NUP50: variants seen among roughly 807,000 people sequenced by gnomAD.
The protein encoded by NUP50 is nucleoporin 50, also known as nuclear pore complex protein Nup50.
In NUP50, 14 loss-of-function variants were observed where a neutral mutation model predicts 36.8. That is an observed-to-expected ratio of 0.38 (90% CI 0.25 to 0.59). NUP50 has a LOEUF of 0.59. Among genes scored for constraint, NUP50 ranks in the 20% least tolerant of loss-of-function variants. The pLI is 0.63. For synonymous variants in NUP50, 195 were observed against 210.8 expected, an observed-to-expected ratio of 0.93 and a Z score of 0.65; for missense variants, 455 against 564.6, an observed-to-expected ratio of 0.81 and a Z score of 1.97.
chr22:45,171,702 C>T lies in NUP50; in HGVS notation c.153+19C>T. 6.3e-7 allele frequency: 1 copy of T among 1,599,598 alleles called. No homozygotes were observed. The highest frequency in any genetic ancestry group is 1.1e-5 in the South Asian group (1 of 90,788). ...ATTTGAAGTGAGTGCCCCCTTACAG[C>T]TCTTGCTATTAAATACTCATTTGAT... On this transcript the variant is annotated intron_variant, in intron 3 of 7. Transcript: ENST00000347635.
chr22:45,168,782 G>C (rs2147667134), intron 2 of NUP50, among the ~76,000 whole-genome samples: 1 of 152,136 alleles, frequency 6.6e-6, no homozygotes, highest in Middle Eastern at 3.4e-3. Context: ...ATTGAGATTG[G>C]CCTAGTTCCT....
chr22:45,167,140 G>A (rs2074106539), intron 1 of NUP50, among the ~76,000 whole-genome samples: 1 of 152,184 alleles, frequency 6.6e-6, no homozygotes, highest in Non-Finnish European at 1.5e-5. Context: ...CTGGTGTATT[G>A]TGGTGTTGAG....
chr22:45,167,347 T>G (rs2074110322), intron 1 of NUP50, among the ~76,000 whole-genome samples: 1 of 152,210 alleles, frequency 6.6e-6, no homozygotes, highest in Non-Finnish European at 1.5e-5. Flanking sequence ...TGGGTTTTCT[T>G]TGTTTTGTTG....
At chr22:45,164,550 G>T in intron 1 of NUP50, 1 of 152,930 alleles carries the variant, frequency 6.5e-6, no homozygotes, top group South Asian at 1.9e-4. Flanking sequence ...CTGGGAAGTG[G>T]GGTACAGGGC....
chr22:45,183,316 C>G, intron 6 of NUP50, 86 bp from the exon 7 acceptor site: 1 of 767,102 alleles, frequency 1.3e-6, no homozygotes, highest in Non-Finnish European at 2.3e-6. Flanking sequence ...AGATTTTCCA[C>G]ACAAGTGTGA....
rs36054964 is a variant in NUP50 at position 45,187,166 on chromosome 22, C to CTTTT, written c.*2525_*2528dup. On this transcript the variant is annotated 3_prime_UTR_variant, in exon 8 of 8. Coordinates refer to ENST00000347635, the MANE Select transcript of NUP50 (RefSeq NM_007172.4). ...GACAAATACTAAATATCCCAGTGGC[C>CTTTT]TTTTTTTTTTTTTTTTTAAAACCTG... 2.0e-5 allele frequency: 2 copies of CTTTT among 99,174 alleles called. No individual in the cohort carries two copies. Among genetic ancestry groups the CTTTT allele is most frequent in the Non-Finnish European group, 2.1e-5 (1 of 48,620 alleles). The allele number at this position is 99,174 out of a possible 1,614,324, so 6.1% of individuals were successfully genotyped here.
intron 7 of NUP50, 103 bp downstream of exon 7, chr22:45,183,623 A>G (rs1238644853): frequency 1.3e-6 from 1 of 770,354 alleles, no homozygotes. Flanking sequence ...AACAGAGCGC[A>G]TTCAGGCCAA....
intron 3 of NUP50, 72 bp downstream of exon 3, chr22:45,171,755 T>C (rs1390536273): frequency 1.8e-6 from 2 of 1,133,828 alleles, no homozygotes; most frequent in Non-Finnish European, 2.7e-6. Flanking sequence ...ATCCCTCCGC[T>C]GGGAGCAATG....
chr22:45,182,570 C>T (rs2074390259), intron 6 of NUP50, among the ~76,000 whole-genome samples: 1 of 149,418 alleles, frequency 6.7e-6, no homozygotes, highest in Admixed American at 6.7e-5. Flanking sequence ...GAATGTTTTC[C>T]AAATTTATTT....
rs1327644108 is a variant in NUP50 at position 45,168,149 on chromosome 22, T to A, written c.-10-19T>A. 1 of 1,563,734 alleles carries A rather than the reference T, an allele frequency of 6.4e-7. No homozygotes were observed. The highest frequency in any genetic ancestry group is 1.8e-5 in the Admixed American group (1 of 55,196). ...TTATTCTTCTAGAAAAATAAACTCT[T>A]CTGTTTTCTATAACTTAGGTTCGAA... On this transcript the variant is annotated intron_variant, in intron 1 of 7. Transcript: ENST00000347635.
intron 2 of NUP50, among the ~76,000 whole-genome samples, chr22:45,169,465 T>C (rs1280762684): frequency 1.3e-5 from 2 of 152,108 alleles, no homozygotes; most frequent in Non-Finnish European, 2.9e-5. Flanking sequence ...ACTGTTTCAG[T>C]ATAATACATA....
At position 45,184,950 on chromosome 22, in the gene NUP50, A is replaced by G. The variant is rs2035588210; in HGVS notation, c.*295A>G. 1 of 400,016 alleles carries G rather than the reference A, an allele frequency of 2.5e-6. No individual in the cohort carries two copies. Among genetic ancestry groups the G allele is most frequent in the South Asian group, 2.3e-5 (1 of 42,570 alleles). The allele number at this position is 400,016 out of a possible 1,614,324, so 24.8% of individuals were successfully genotyped here. On this transcript the variant is annotated 3_prime_UTR_variant, in exon 8 of 8. Transcript: ENST00000347635. ...CTAAGTGATTTCTTCAAGGACTGCA[A>G]TCAGGGTATCAATTTGCTTTCCCAA...
chr22:45,185,130 G>A lies in NUP50; in HGVS notation c.*475G>A, dbSNP rs545269956. 6 of 178,374 alleles carry A rather than the reference G, an allele frequency of 3.4e-5. No individual in the cohort carries two copies. The highest frequency in any genetic ancestry group is 2.3e-4 in the South Asian group (2 of 8,638). 11.0% of individuals were successfully genotyped at this position (178,374 alleles called of 1,614,324 possible). On this transcript the variant is annotated 3_prime_UTR_variant, in exon 8 of 8. Coordinates refer to ENST00000347635, the MANE Select transcript of NUP50 (RefSeq NM_007172.4). ...GACTTGTTCTGTTACCAAATGAACC[G>A]GGCTGCCACGCTGTGACAGGCGTTT...
chr22:45,168,296 C>A, intron 2 of NUP50, 50 bp downstream of exon 2: 1 of 1,473,942 alleles, frequency 6.8e-7, no homozygotes, highest in Non-Finnish European at 9.3e-7. Flanking sequence ...TTGCCTTTTA[C>A]ATTCATTTTG....
At chr22:45,176,863 T>A (rs1437438445) in intron 4 of NUP50, among the ~76,000 whole-genome samples, 1 of 152,016 alleles carries the variant, frequency 6.6e-6, no homozygotes, top group Non-Finnish European at 1.5e-5. Flanking sequence ...TGCCTCAGCC[T>A]CCCGAGTAGC....
At chr22:45,176,303 G>C (rs962035711) in intron 4 of NUP50, among the ~76,000 whole-genome samples, 3 of 152,204 alleles carry the variant, frequency 2.0e-5, no homozygotes, top group Non-Finnish European at 4.4e-5. Context: ...TCTCAGCTCT[G>C]CTGGCTACCA....
chr22:45,164,221 C>T lies in NUP50; in HGVS notation c.-86C>T, dbSNP rs537885477. The T allele has an allele frequency of 6.6e-6, 1 of 152,398 alleles. No individual in the cohort carries two copies. The highest frequency in any genetic ancestry group is 1.9e-4 in the East Asian group (1 of 5,162). The allele number at this position is 152,398 out of a possible 1,614,324, so 9.4% of individuals were successfully genotyped here. On this transcript the variant is annotated 5_prime_UTR_variant, in exon 1 of 8. Coordinates refer to ENST00000347635, the MANE Select transcript of NUP50 (RefSeq NM_007172.4). ...CTCAGCCCGGCGACCCCTGCGGGCT[C>T]CAGACCCCTGCGCCGCTGCGCCCCG...
intron 3 of NUP50, among the ~76,000 whole-genome samples, chr22:45,173,619 G>A (rs1397162672): frequency 6.6e-6 from 1 of 152,142 alleles, no homozygotes; most frequent in African/African-American, 2.4e-5. Context: ...TCATGTGGGG[G>A]ATTGAGGCCA....
At chr22:45,176,386 G>C (rs1177171475) in intron 4 of NUP50, among the ~76,000 whole-genome samples, 1 of 152,212 alleles carries the variant, frequency 6.6e-6, no homozygotes, top group Non-Finnish European at 1.5e-5. Context: ...AATTGACCTA[G>C]AGTCGAGAGA....
Sources: gnomAD v4.1 joint callset for allele counts (sites outside exome capture counted in the v4.1 genomes callset) on GRCh38, gnomAD v4.1.1 for gene constraint, MANE v1.5 for transcripts, NCBI Gene and HGNC (gene_info 2026-07-23, HGNC 2026-07-21) for gene names.